UNC5D: variants seen among roughly 807,000 people sequenced by gnomAD.
UNC5D encodes the protein netrin receptor UNC5D.
In UNC5D, 39 loss-of-function variants were observed where a neutral mutation model predicts 105.4. The observed-to-expected ratio is 0.37, with a 90% CI of 0.29 to 0.48. The LOEUF (loss-of-function observed/expected upper bound fraction) is 0.48, where lower values mean the gene tolerates loss of function less well. Ranked by LOEUF, UNC5D falls within the 20% of genes least tolerant of loss-of-function variation. The pLI is 0.98. For synonymous variants in UNC5D, 452 were observed against 450.4 expected (o/e 1.00, Z -0.04); for missense variants, 991 against 1,202.4 (o/e 0.82, Z 2.60).
chr8:35,738,407 T>C (rs1260197839), intron 11 of UNC5D, among the ~76,000 whole-genome samples: 2 of 152,196 alleles, frequency 1.3e-5, no homozygotes, highest in African/African-American at 4.8e-5. Context: ...TTATACCTGG[T>C]CTTACTTTTT....
At chr8:35,480,179 A>G (rs957841175) in intron 1 of UNC5D, among the ~76,000 whole-genome samples, 3 of 152,124 alleles carry the variant, frequency 2.0e-5, no homozygotes, top group African/African-American at 7.2e-5. Flanking sequence ...CTAGAACATA[A>G]ATTCCCCTAT....
Position 35,598,556 on chromosome 8 carries a change from C to G in UNC5D, c.570+2899C>G, listed in dbSNP as rs533458456. On this transcript the variant is annotated intron_variant, in intron 4 of 16. Transcript: ENST00000404895. ...GCAATTCCACTACTAGGTATATATA[C>G]AAAGCAAATGAAATCAATATGTAGA... Among the ~76,000 whole-genome samples, 17 of 152,260 alleles carry G rather than the reference C, an allele frequency of 1.1e-4. No homozygotes were observed. The South Asian group carries it at 2.9e-3, about 26-fold the overall frequency.
chr8:35,664,688 G>T (rs2131248619), intron 4 of UNC5D, among the ~76,000 whole-genome samples: 1 of 151,994 alleles, frequency 6.6e-6, no homozygotes, highest in African/African-American at 2.4e-5. Flanking sequence ...CTAATGATTG[G>T]TTCTTAAAAG....
chr8:35,422,542 G>T (rs1177517401), intron 1 of UNC5D, among the ~76,000 whole-genome samples: 1 of 152,164 alleles, frequency 6.6e-6, no homozygotes, highest in Non-Finnish European at 1.5e-5. Context: ...AATGACAAAA[G>T]ATGTCTTGCA....
In UNC5D at chr8:35,235,494, A is replaced by G. The variant is rs928390119; in HGVS notation, c.-291A>G. ...TCCGCTCCGTAGTTCGGGGCCCGGCAGCGGCGCGAGGGCTGGGAACTGCGC... is the reference window on the plus strand; with the variant it reads ...TCCGCTCCGTAGTTCGGGGCCCGGCGGCGGCGCGAGGGCTGGGAACTGCGC... On this transcript the variant is annotated 5_prime_UTR_variant, in exon 1 of 17. Transcript: ENST00000404895. 10 of 291,232 alleles carry G rather than the reference A, an allele frequency of 3.4e-5. No homozygotes were observed. Among genetic ancestry groups the G allele is most frequent in the African/African-American group, 2.2e-4 (10 of 45,726 alleles). The allele number at this position is 291,232 out of a possible 1,614,324, so 18.0% of individuals were successfully genotyped here.
intron 1 of UNC5D, among the ~76,000 whole-genome samples, chr8:35,534,909 C>T (rs1486844957): frequency 6.6e-6 from 1 of 151,980 alleles, no homozygotes; most frequent in Admixed American, 6.6e-5. Context: ...AGTTTTGAAA[C>T]TCTCTGAACT....
At chr8:35,278,415 T>A (rs961655664) in intron 1 of UNC5D, among the ~76,000 whole-genome samples, 1 of 152,150 alleles carries the variant, frequency 6.6e-6, no homozygotes, top group African/African-American at 2.4e-5. Flanking sequence ...AAAAAAATCC[T>A]TGTTCTTTTT....
At chr8:35,500,241 T>C (rs907975479) in intron 1 of UNC5D, among the ~76,000 whole-genome samples, 5 of 152,194 alleles carry the variant, frequency 3.3e-5, no homozygotes, top group Non-Finnish European at 7.3e-5. Flanking sequence ...CTAGCATCTG[T>C]TGAGGGCCTT....
chr8:35,591,101 T>A (rs189506242), intron 3 of UNC5D, among the ~76,000 whole-genome samples: 1 of 152,152 alleles, frequency 6.6e-6, no homozygotes, highest in South Asian at 2.1e-4. Context: ...TTGTTTTTCA[T>A]TGGTTAGTTT....
rs548719653 is a variant in UNC5D at position 35,247,215 on chromosome 8, A to G, written c.103+11328A>G. Among the ~76,000 whole-genome samples the G allele has an allele frequency of 2.7e-3, 402 of 147,982 alleles. 2 individuals carry two copies. The highest frequency in any genetic ancestry group is 9.6e-3 in the African/African-American group (387 of 40,110). On this transcript the variant is annotated intron_variant, in intron 1 of 16. Coordinates refer to ENST00000404895, the MANE Select transcript of UNC5D (RefSeq NM_080872.4). ...ATTGATCATTTTACCCTTCTGTTAA[A>G]GGATGTTTTCCTTTTATTTAAATGT... is the stretch of plus-strand genomic sequence containing the variant.
intron 3 of UNC5D, among the ~76,000 whole-genome samples, chr8:35,590,141 C>T (rs1819071682): frequency 6.6e-6 from 1 of 151,988 alleles, no homozygotes; most frequent in Admixed American, 6.6e-5. Context: ...CGTCCCTTCG[C>T]CATTTTATTT....
intron 1 of UNC5D, among the ~76,000 whole-genome samples, chr8:35,523,836 T>TG (rs1321481133): frequency 1.3e-4 from 9 of 68,052 alleles, no homozygotes; most frequent in African/African-American, 5.4e-4. Context: ...ATTCGGATGG[T>TG]GGCATACTCT....
At chr8:35,276,080 T>C (rs1012316846) in intron 1 of UNC5D, among the ~76,000 whole-genome samples, 3 of 152,186 alleles carry the variant, frequency 2.0e-5, no homozygotes, top group Admixed American at 2.0e-4. Flanking sequence ...TGTTTTTTTA[T>C]TGGCAGGTTG....
intron 10 of UNC5D, 89 bp from the exon 11 acceptor site, chr8:35,730,922 GT>G: frequency 8.7e-7 from 1 of 1,142,900 alleles, no homozygotes. Flanking sequence ...AAAGTAGCTT[GT>G]TTTCCAGGTA....
chr8:35,243,268 C>A (rs1802904016), intron 1 of UNC5D, among the ~76,000 whole-genome samples: 1 of 152,052 alleles, frequency 6.6e-6, no homozygotes, highest in Non-Finnish European at 1.5e-5. Flanking sequence ...TAAGAAAACA[C>A]AAATGTCAAT....
At chr8:35,600,004 C>G (rs1363548744) in intron 4 of UNC5D, among the ~76,000 whole-genome samples, 1 of 152,044 alleles carries the variant, frequency 6.6e-6, no homozygotes, top group Non-Finnish European at 1.5e-5. Flanking sequence ...TTCCTGTGTC[C>G]ATGTGTTCTC....
At chr8:35,335,781 T>G (rs1810982045) in intron 1 of UNC5D, among the ~76,000 whole-genome samples, 1 of 133,524 alleles carries the variant, frequency 7.5e-6, no homozygotes, top group Non-Finnish European at 1.6e-5. Context: ...TTTTTTTTTT[T>G]GAGACGGAGT....
chr8:35,368,265 C>T (rs942289574), intron 1 of UNC5D, among the ~76,000 whole-genome samples: 3 of 152,158 alleles, frequency 2.0e-5, no homozygotes, highest in African/African-American at 7.2e-5. Flanking sequence ...GGTTTTAGAG[C>T]TCCTCATCCA....
intron 1 of UNC5D, among the ~76,000 whole-genome samples, chr8:35,356,947 C>T (rs953938567): frequency 2.0e-5 from 3 of 152,030 alleles, no homozygotes; most frequent in African/African-American, 7.2e-5. Context: ...ACCCAGAGTA[C>T]CACACTTCTT....
Sources: allele counts gnomAD v4.1 joint callset (sites outside exome capture counted in the v4.1 genomes callset), GRCh38; gene constraint gnomAD v4.1.1; transcripts MANE v1.5; gene names NCBI Gene and HGNC (gene_info 2026-07-23, HGNC 2026-07-21).